Variants in ATP6V1B1 observed in about 807,000 individuals in gnomAD.
ATP6V1B1 encodes V-type proton ATPase subunit B, kidney isoform.
ATP6V1B1 carries 41 observed loss-of-function variants against 62.1 expected under a neutral mutation model. The observed-to-expected ratio is 0.66, with a 90% CI of 0.51 to 0.86. ATP6V1B1 has a LOEUF of 0.86. Ranked by LOEUF, ATP6V1B1 falls within the 40% of genes least tolerant of loss-of-function variation. ATP6V1B1 has a pLI of 0.00. For synonymous variants in ATP6V1B1, 253 were observed against 273.4 expected, an observed-to-expected ratio of 0.93 and a Z score of 0.74; for missense variants, 651 against 697.5, an observed-to-expected ratio of 0.93 and a Z score of 0.75.
chr2:70,936,064 C>T lies in ATP6V1B1; in HGVS notation c.110C>T (p.Pro37Leu). The change falls in exon 1 of 14, where the codon CCC becomes CTC. Residue 37 changes from proline to leucine, a missense_variant. Pro to Leu is a moderately conservative substitution (Grantham distance 98). Coordinates refer to ENST00000234396, the MANE Select transcript of ATP6V1B1 (RefSeq NM_001692.4). ...GTCACCCGAAACTACATCACCCACC[C>T]CCGTGTCAGTGAGTAGCCCCTCCAC... ...QAVTRNYITH[P>L]RVTYRTVCSV... The T allele has an allele frequency of 6.2e-7, 1 of 1,614,034 alleles. No individual in the cohort carries two copies. Among genetic ancestry groups the T allele is most frequent in the South Asian group, 1.1e-5 (1 of 91,068 alleles).
At chr2:70,940,913 CTTTTTTTTT>C (rs1205645035) in intron 1 of ATP6V1B1, 2 of 613,868 alleles carry the variant, frequency 3.3e-6, no homozygotes, top group African/African-American at 6.6e-5. Flanking sequence ...TTTTCTTTTT[CTTTTTTTTT>C]TTTTTTTTTG....
At chr2:70,960,202 C>G in intron 6 of ATP6V1B1, 124 bp downstream of exon 6, 1 of 1,419,408 alleles carries the variant, frequency 7.0e-7, no homozygotes, top group South Asian at 1.3e-5. Flanking sequence ...GGGTCGCCAG[C>G]ATCGAGACTG....
chr2:70,956,540 C>A (rs1419108210), intron 2 of ATP6V1B1, among the ~76,000 whole-genome samples: 1 of 152,206 alleles, frequency 6.6e-6, no homozygotes, highest in East Asian at 1.9e-4. Context: ...GCACTATTTT[C>A]TATTCCTCCC....
At chr2:70,940,572 G>GT (rs1243156227) in intron 1 of ATP6V1B1, 29 of 985,298 alleles carry the variant, frequency 2.9e-5, no homozygotes, top group Admixed American at 1.2e-4. Context: ...GCTGTTTGGA[G>GT]TTTTTTTTAA....
intron 2 of ATP6V1B1, among the ~76,000 whole-genome samples, chr2:70,953,408 G>T (rs60843993): frequency 6.6e-6 from 1 of 151,910 alleles, no homozygotes; most frequent in African/African-American, 2.4e-5. Context: ...ATGTTTTTAG[G>T]TGTTCATAGT....
chr2:70,940,586 A>C, intron 1 of ATP6V1B1: 1 of 985,110 alleles, frequency 1.0e-6, no homozygotes, highest in Non-Finnish European at 1.2e-6. Flanking sequence ...TTTTTAATTG[A>C]TGGGAAGGGT....
At chr2:70,943,596 C>G (rs782070726) in intron 1 of ATP6V1B1, 62 bp from the exon 2 acceptor site, 6 of 1,548,252 alleles carry the variant, frequency 3.9e-6, no homozygotes. Context: ...CAGAGGATGC[C>G]TCTGTGTGTG....
chr2:70,943,449 C>T, intron 1 of ATP6V1B1: 1 of 692,944 alleles, frequency 1.4e-6, no homozygotes, highest in Non-Finnish European at 2.6e-6. Context: ...CCCCAGCCTC[C>T]TGCAGGTGTC....
intron 2 of ATP6V1B1, among the ~76,000 whole-genome samples, chr2:70,946,952 T>C (rs576202877): frequency 1.3e-4 from 20 of 152,284 alleles, no homozygotes; most frequent in African/African-American, 4.8e-4. Context: ...GAGGCACCTC[T>C]CCCCATCCCT....
intron 6 of ATP6V1B1, among the ~76,000 whole-genome samples, chr2:70,960,473 C>T (rs1448683854): frequency 6.6e-6 from 1 of 152,184 alleles, no homozygotes; most frequent in African/African-American, 2.4e-5. Flanking sequence ...CCTCCAGCCA[C>T]CCAGCACCCT....
intron 1 of ATP6V1B1, chr2:70,941,187 G>T: frequency 1.2e-6 from 1 of 858,646 alleles, no homozygotes; most frequent in African/African-American, 1.8e-5. Context: ...CAGAGTGCTG[G>T]GATTACAGGT....
intron 2 of ATP6V1B1, chr2:70,944,314 T>C (rs1680091542): frequency 1.9e-6 from 2 of 1,032,696 alleles, no homozygotes. Flanking sequence ...TGACAGTATC[T>C]TGAGTCCTGG....
At chr2:70,960,700 G>A (rs1553419880) in intron 6 of ATP6V1B1, among the ~76,000 whole-genome samples, 1 of 152,070 alleles carries the variant, frequency 6.6e-6, no homozygotes, top group African/African-American at 2.4e-5. Flanking sequence ...TGCTCTTTGG[G>A]ACTGTTACTC....
Position 70,958,028 on chromosome 2 carries a change from G to A in ATP6V1B1, c.175-18G>A. On this transcript the variant is annotated intron_variant, in intron 2 of 13. Coordinates refer to ENST00000234396, the MANE Select transcript of ATP6V1B1 (RefSeq NM_001692.4). ...CCTCCAGTCTCACTGTCACGTGGCT[G>A]CTCTCCCCTCCTGCCAGTTTGCCCA... 6.2e-7 allele frequency: 1 copy of A among 1,610,218 alleles called. No homozygotes were observed. Among genetic ancestry groups the A allele is most frequent in the Admixed American group, 1.7e-5 (1 of 59,642 alleles).
intron 1 of ATP6V1B1, among the ~76,000 whole-genome samples, chr2:70,937,300 T>C (rs550826443): frequency 1.3e-5 from 2 of 152,098 alleles, no homozygotes; most frequent in East Asian, 1.9e-4. Context: ...AGAGGGTAGC[T>C]GAGGGGTGAA....
intron 1 of ATP6V1B1, chr2:70,942,432 T>C (rs1680027187): frequency 2.5e-6 from 1 of 398,522 alleles, no homozygotes; most frequent in South Asian, 1.3e-4. Flanking sequence ...CTAGTCCAAG[T>C]CCTGGTGAAA....
rs1680494634 is a variant in ATP6V1B1, at chr2:70,958,348, T to C, written c.289T>C (p.Ser97Pro). ...GTTCCCACAGGTGTTTGAAGGGACA[T>C]CAGGGATCGATGCCAGGAAGACCAC... The part of the protein sequence containing the change: ...KAIVQVFEGT[S>P]GIDARKTTCE... Residue 97 changes from serine to proline, a missense_variant, in exon 4 of 14, where the codon TCA (serine) becomes CCA (proline). Transcript: ENST00000234396. 2.5e-6 allele frequency: 4 copies of C among 1,614,018 alleles called. No individual in the cohort carries two copies. The East Asian group carries it at 6.7e-5, about 27-fold the overall frequency.
At chr2:70,957,250 A>AT (rs1680460569) in intron 2 of ATP6V1B1, among the ~76,000 whole-genome samples, 1 of 144,842 alleles carries the variant, frequency 6.9e-6, no homozygotes, top group African/African-American at 2.6e-5. Context: ...CACACCTGGC[A>AT]ATATATATAT....
At chr2:70,962,406 C>G (rs782414642) in intron 8 of ATP6V1B1, among the ~76,000 whole-genome samples, 1 of 152,152 alleles carries the variant, frequency 6.6e-6, no homozygotes, top group Non-Finnish European at 1.5e-5. Context: ...AGAGCTAAAG[C>G]AGGTGCCCCC....
Sources: gnomAD v4.1 joint callset for allele counts (sites outside exome capture counted in the v4.1 genomes callset) on GRCh38, gnomAD v4.1.1 for gene constraint, MANE v1.5 for transcripts, NCBI Gene and HGNC (gene_info 2026-07-23, HGNC 2026-07-21) for gene names.